Variants in NRG3 observed in about 807,000 individuals in gnomAD.
NRG3 encodes pro-neuregulin-3, membrane-bound isoform.
In NRG3, 31 loss-of-function variants were observed where a neutral mutation model predicts 66.9. The ratio of observed to expected loss-of-function variants is 0.46; its 90% CI spans 0.35 to 0.63. The LOEUF (loss-of-function observed/expected upper bound fraction) is 0.63, where lower values mean the gene tolerates loss of function less well. NRG3 is among the 20% of genes least tolerant of loss of function. NRG3 has a pLI of 0.00. For synonymous variants in NRG3, 393 were observed against 359.4 expected, an observed-to-expected ratio of 1.09 and a Z score of -1.06; for missense variants, 910 against 878.9, an observed-to-expected ratio of 1.04 and a Z score of -0.45.
At chr10:82,132,494 T>TATATATC in intron 1 of NRG3, among the ~76,000 whole-genome samples, 1 of 44,382 alleles carries the variant, frequency 2.3e-5, no homozygotes, top group African/African-American at 1.1e-4. Flanking sequence ...ATATATATGA[T>TATATATC]ATATATATAT....
At chr10:82,450,383 T>G (rs931607943) in intron 2 of NRG3, among the ~76,000 whole-genome samples, 2 of 152,148 alleles carry the variant, frequency 1.3e-5, no homozygotes, top group Non-Finnish European at 2.9e-5. Context: ...CTGGCTAATC[T>G]TCTAGCAAGT....
At chr10:82,129,565 A>G (rs1299854164) in intron 1 of NRG3, among the ~76,000 whole-genome samples, 1 of 152,002 alleles carries the variant, frequency 6.6e-6, no homozygotes, top group Non-Finnish European at 1.5e-5. Context: ...CATTTCAATT[A>G]TACTCTTTCA....
At chr10:82,362,827 A>C (rs1297274833) in intron 2 of NRG3, among the ~76,000 whole-genome samples, 1 of 152,088 alleles carries the variant, frequency 6.6e-6, no homozygotes, top group Non-Finnish European at 1.5e-5. Context: ...TAAATGATTG[A>C]CTATCAGGTA....
Position 82,985,322 on chromosome 10 carries a change from A to T in NRG3, c.1808A>T (p.Asn603Ile). The T allele has an allele frequency of 6.2e-7, 1 of 1,613,754 alleles. No homozygotes were observed. Among genetic ancestry groups the T allele is most frequent in the Non-Finnish European group, 8.5e-7 (1 of 1,179,936 alleles). Residue 603 changes from asparagine to isoleucine, a missense_variant, in exon 9 of 9, where the codon AAC becomes ATC. By Grantham distance (149) the Asn-to-Ile change is moderately radical. Transcript: ENST00000372141. ...SEVKSIKWCK[N>I]SYSADVVNVS... is the part of the protein sequence containing the mutation. ...GTCAAAAGCATCAAATGGTGCAAAAACTCCTATTCAGCTGACGTTGTCAAT... is the reference window on the plus strand; with the variant it reads ...GTCAAAAGCATCAAATGGTGCAAAATCTCCTATTCAGCTGACGTTGTCAAT...
chr10:82,779,876 C>A (rs2060049945), intron 3 of NRG3, among the ~76,000 whole-genome samples: 1 of 149,422 alleles, frequency 6.7e-6, no homozygotes, highest in African/African-American at 2.5e-5. Flanking sequence ...CTCCCCTAGC[C>A]CCCCACCCCC....
intron 1 of NRG3, among the ~76,000 whole-genome samples, chr10:81,989,353 C>T (rs527508032): frequency 6.6e-6 from 1 of 151,804 alleles, no homozygotes; most frequent in Non-Finnish European, 1.5e-5. Context: ...ATAAGATCAC[C>T]TAGGAAAAGA....
chr10:81,986,635 T>C (rs1377120576), intron 1 of NRG3, among the ~76,000 whole-genome samples: 1 of 152,218 alleles, frequency 6.6e-6, no homozygotes. Context: ...TTTAATTATT[T>C]GTAAGGAAGG....
intron 2 of NRG3, among the ~76,000 whole-genome samples, chr10:82,543,143 C>A (rs564564212): frequency 1.3e-5 from 2 of 152,110 alleles, no homozygotes; most frequent in African/African-American, 4.8e-5. Context: ...CCACCCGACT[C>A]AGCCTCCCAA....
At chr10:81,923,496 C>CGCCCG in intron 1 of NRG3, among the ~76,000 whole-genome samples, 1 of 152,338 alleles carries the variant, frequency 6.6e-6, no homozygotes, top group African/African-American at 2.4e-5. Flanking sequence ...TGAGCCACCG[C>CGCCCG]GCCCGGCCGA....
chr10:81,979,895 A>G (rs560934918), intron 1 of NRG3, among the ~76,000 whole-genome samples: 6 of 152,330 alleles, frequency 3.9e-5, no homozygotes, highest in African/African-American at 1.2e-4. Flanking sequence ...TTGTCTGTGT[A>G]TTTTACAAAC....
chr10:82,138,668 C>T (rs905342072), intron 1 of NRG3, among the ~76,000 whole-genome samples: 6 of 152,210 alleles, frequency 3.9e-5, no homozygotes, highest in Middle Eastern at 3.4e-3. Context: ...TGAATCAGCG[C>T]GAGTACCAAA....
rs571505884 is a variant in NRG3, at chr10:82,697,656, G to A, written c.954-40921G>A. 1.8e-3 allele frequency among the ~76,000 whole-genome samples: 268 copies of A among 152,286 alleles called. 1 individual carries two copies. Among genetic ancestry groups the A allele is most frequent in the Non-Finnish European group, 3.3e-3 (222 of 68,020 alleles). On this transcript the variant is annotated intron_variant, in intron 2 of 8. Coordinates refer to ENST00000372141, the MANE Select transcript of NRG3 (RefSeq NM_001010848.4). Reference sequence around the variant, plus strand: ...TTGTGGGTACTCCAACAGCACGTGGGCAATTGGAATGATATCCTTTTTAAC... The same window carrying A: ...TTGTGGGTACTCCAACAGCACGTGGACAATTGGAATGATATCCTTTTTAAC...
rs369677790 is a variant in NRG3, at chr10:82,502,621, G to A, written c.953+143753G>A. Among the ~76,000 whole-genome samples, 4 of 152,258 alleles carry A rather than the reference G, an allele frequency of 2.6e-5. No individual in the cohort carries two copies. In the East Asian group the frequency reaches 7.7e-4, roughly 29 times the overall value. ...CCGAAGTCAGGAAATATAAACTGGA[G>A]TCTCCTGTCACCTACTTTTTAAGTG... On this transcript the variant is annotated intron_variant, in intron 2 of 8. Transcript: ENST00000372141.
intron 3 of NRG3, among the ~76,000 whole-genome samples, chr10:82,832,741 T>C (rs934307012): frequency 4.6e-5 from 7 of 151,954 alleles, no homozygotes; most frequent in Non-Finnish European, 7.4e-5. Context: ...TACTTACTGA[T>C]GTGAAAAAGT....
At position 82,984,910 on chromosome 10, in the gene NRG3, G is replaced by A. The variant is rs1243271313; in HGVS notation, c.1584-188G>A. On this transcript the variant is annotated intron_variant, in intron 8 of 8. Transcript: ENST00000372141. ...GTCACTTATTTTCTGTGTGACCTTG[G>A]GCAAGTCACTTCACCTATCTGAGCT... is the stretch of plus-strand genomic sequence containing the variant. The A allele has an allele frequency of 3.9e-6, 5 of 1,296,790 alleles. No homozygotes were observed. The African/African-American group carries it at 4.4e-5, about 11-fold the overall frequency. 80.3% of individuals were successfully genotyped at this position (1,296,790 alleles called of 1,614,324 possible). A position where few individuals can be genotyped will look rare whatever the true frequency, so the allele number is the denominator to read the frequency against.
At chr10:81,929,791 C>T (rs1847165691) in intron 1 of NRG3, among the ~76,000 whole-genome samples, 1 of 152,088 alleles carries the variant, frequency 6.6e-6, no homozygotes, top group South Asian at 2.1e-4. Context: ...ATTTATCTGG[C>T]CAGGCATTGG....
chr10:82,980,049 C>T (rs575034349), intron 8 of NRG3, among the ~76,000 whole-genome samples: 1 of 151,670 alleles, frequency 6.6e-6, no homozygotes, highest in African/African-American at 2.4e-5. Flanking sequence ...AACAAAAATA[C>T]AAAAAATTAG....
chr10:82,125,248 AGTGTGTGTGTTTAT>A (rs938709486), intron 1 of NRG3, among the ~76,000 whole-genome samples: 1 of 151,814 alleles, frequency 6.6e-6, no homozygotes, highest in Non-Finnish European at 1.5e-5. Context: ...CAGCTGTGTC[AGTGTGTGTGTTTAT>A]GTGTGTGTGT....
intron 1 of NRG3, among the ~76,000 whole-genome samples, chr10:82,303,356 C>A (rs932342098): frequency 5.3e-5 from 8 of 151,872 alleles, no homozygotes; most frequent in Non-Finnish European, 8.8e-5. Context: ...CACACACACA[C>A]ACGGAAGGAC....
Sources: gnomAD v4.1 joint callset for allele counts (sites outside exome capture counted in the v4.1 genomes callset) on GRCh38, gnomAD v4.1.1 for gene constraint, MANE v1.5 for transcripts, NCBI Gene and HGNC (gene_info 2026-07-23, HGNC 2026-07-21) for gene names.